Variants in STK4 observed in about 807,000 individuals in gnomAD.
The protein encoded by STK4 is serine/threonine-protein kinase 4.
Under a neutral mutation model 64.9 loss-of-function variants are expected in STK4, and 30 were observed. That is an observed-to-expected ratio of 0.46 (90% CI 0.35 to 0.63). The LOEUF is 0.63. Ranked by LOEUF, STK4 falls within the 20% of genes least tolerant of loss-of-function variation. The pLI, the probability that STK4 is intolerant of heterozygous loss-of-function variation, is 0.01. For synonymous variants in STK4, 177 were observed against 199.0 expected (o/e 0.89, Z 0.93); for missense variants, 466 against 598.5 (o/e 0.78, Z 2.31).
intron 5 of STK4, among the ~76,000 whole-genome samples, chr20:44,988,523 A>ATATGTGTGTGTGTGTG (rs2067572032): frequency 2.8e-5 from 3 of 108,614 alleles, no homozygotes; most frequent in East Asian, 3.0e-4. Context: ...GTGTATATAT[A>ATATGTGTGTGTGTGTG]TGTGTGTGTG....
chr20:45,058,351 G>A (rs927238601), intron 10 of STK4, among the ~76,000 whole-genome samples: 1 of 152,138 alleles, frequency 6.6e-6, no homozygotes, highest in Admixed American at 6.5e-5. Flanking sequence ...CAGAAACTGA[G>A]TGCTATGTAC....
At chr20:45,020,752 C>T (rs990375789) in intron 9 of STK4, among the ~76,000 whole-genome samples, 3 of 151,412 alleles carry the variant, frequency 2.0e-5, no homozygotes, top group Non-Finnish European at 2.9e-5. Context: ...GGCCTCTCCA[C>T]GTAGTATTTC....
intron 10 of STK4, among the ~76,000 whole-genome samples, chr20:45,026,561 G>A (rs988941897): frequency 2.6e-5 from 4 of 152,110 alleles, no homozygotes; most frequent in African/African-American, 7.2e-5. Flanking sequence ...AGCAGGAAAT[G>A]ATATCAGAGA....
rs759185627 is a variant in STK4, at chr20:44,995,164, A to T, written c.600A>T (p.Gly200=). The T allele has an allele frequency of 4.2e-5, 67 of 1,613,918 alleles. No individual in the cohort carries two copies. The highest frequency in any genetic ancestry group is 1.5e-4 in the Admixed American group (9 of 59,988). Residue 200 remains glycine (G), a synonymous_variant, in exon 6 of 11, where the codon GGA becomes GGT. Coordinates refer to ENST00000372806, the MANE Select transcript of STK4 (RefSeq NM_006282.5). ...CTCCAGAAGTGATTCAGGAAATTGG[A>T]TACAACTGTGTAGCAGACATCTGGT... ...WMAPEVIQEI[G]YNCVADIWSL...
At chr20:45,031,220 G>A (rs749979544) in intron 10 of STK4, among the ~76,000 whole-genome samples, 1 of 151,868 alleles carries the variant, frequency 6.6e-6, no homozygotes. Context: ...GTGAGAAAAG[G>A]CCTGTGGAGA....
At chr20:44,993,066 T>G (rs2067664331) in intron 5 of STK4, among the ~76,000 whole-genome samples, 1 of 152,176 alleles carries the variant, frequency 6.6e-6, no homozygotes, top group African/African-American at 2.4e-5. Flanking sequence ...TTATTTGAAC[T>G]TATTTTGGTG....
chr20:44,989,257 A>C (rs1838065512), intron 5 of STK4, among the ~76,000 whole-genome samples: 1 of 152,112 alleles, frequency 6.6e-6, no homozygotes, highest in South Asian at 2.1e-4. Context: ...ACTTCTCTGC[A>C]TCCTCGCCAA....
intron 10 of STK4, among the ~76,000 whole-genome samples, chr20:45,058,821 G>T (rs1600553929): frequency 6.6e-6 from 1 of 152,240 alleles, no homozygotes; most frequent in East Asian, 1.9e-4. Flanking sequence ...CAAGAATGAG[G>T]TTATTTTTGA....
intron 9 of STK4, among the ~76,000 whole-genome samples, chr20:45,018,857 A>C (rs1168240289): frequency 6.6e-6 from 1 of 151,484 alleles, no homozygotes; most frequent in African/African-American, 2.4e-5. Context: ...CCTCCTGAAT[A>C]GTTGGGACTA....
chr20:45,058,618 A>G (rs1978706395), intron 10 of STK4, among the ~76,000 whole-genome samples: 1 of 152,152 alleles, frequency 6.6e-6, no homozygotes, highest in African/African-American at 2.4e-5. Context: ...TTTGGCAGGA[A>G]GAGAGAGAAG....
chr20:45,059,184 CTT>C (rs1381817071), intron 10 of STK4, among the ~76,000 whole-genome samples: 2 of 152,200 alleles, frequency 1.3e-5, no homozygotes, highest in Non-Finnish European at 2.9e-5. Flanking sequence ...GTGGTTGAAA[CTT>C]TTGCTCCTTG....
chr20:45,001,263 A>G lies in STK4; in HGVS notation c.1057A>G (p.Thr353Ala), dbSNP rs140089638. 1.6e-3 allele frequency: 2,608 copies of G among 1,614,190 alleles called. 4 individuals are homozygous for G. The highest frequency in any genetic ancestry group is 1.8e-3 in the Non-Finnish European group (2,132 of 1,180,026). ...CAGCACCATGACTGATGGAGCCAAT[A>G]CTATGATTGAGCACGATGACACGTT... ...VASTMTDGAN[T>A]MIEHDDTLPS... is the part of the protein sequence containing the mutation. The change falls in exon 9 of 11, where the codon ACT becomes GCT. Residue 353 changes from threonine (T) to alanine (A), a missense_variant. Physicochemically the swap from Thr to Ala is moderately conservative, Grantham distance 58. Coordinates refer to ENST00000372806, the MANE Select transcript of STK4 (RefSeq NM_006282.5).
chr20:44,978,301 T>C, intron 2 of STK4, 142 bp from the exon 3 acceptor site: 9 of 1,006,278 alleles, frequency 8.9e-6, no homozygotes, highest in Non-Finnish European at 1.2e-5. Flanking sequence ...CAAAAGTATT[T>C]TAGCTATCTT....
chr20:44,999,321 G>A (rs752224781), intron 7 of STK4, among the ~76,000 whole-genome samples: 2 of 152,146 alleles, frequency 1.3e-5, no homozygotes, highest in Non-Finnish European at 2.9e-5. Flanking sequence ...TTTCTACCTG[G>A]ATGGGGTAGT....
chr20:45,037,491 G>C (rs1168952325), intron 10 of STK4, among the ~76,000 whole-genome samples: 1 of 152,074 alleles, frequency 6.6e-6, no homozygotes, highest in East Asian at 1.9e-4. Flanking sequence ...GTGTGATAAT[G>C]GGTCCATCAG....
chr20:45,042,707 C>T (rs2068632435), intron 10 of STK4, among the ~76,000 whole-genome samples: 1 of 152,048 alleles, frequency 6.6e-6, no homozygotes, highest in African/African-American at 2.4e-5. Flanking sequence ...TTCTAATGGA[C>T]AGTGTAGGGA....
At chr20:44,975,482 G>T (rs575708869) in intron 2 of STK4, 14 of 536,186 alleles carry the variant, frequency 2.6e-5, no homozygotes, top group Admixed American at 1.9e-4. Flanking sequence ...TAAGAATAAT[G>T]AGTGAAAATT....
intron 9 of STK4, among the ~76,000 whole-genome samples, chr20:45,014,564 A>G (rs941616535): frequency 3.3e-5 from 5 of 152,192 alleles, no homozygotes; most frequent in Non-Finnish European, 5.9e-5. Context: ...AGTGGCAAAG[A>G]TAACAAAAAC....
intron 10 of STK4, among the ~76,000 whole-genome samples, chr20:45,044,349 G>T (rs957208286): frequency 6.6e-6 from 1 of 152,136 alleles, no homozygotes; most frequent in Non-Finnish European, 1.5e-5. Context: ...GAACCAGGCC[G>T]GGTGAATGAT....
Sources: gnomAD v4.1 joint callset for allele counts (sites outside exome capture counted in the v4.1 genomes callset) on GRCh38, gnomAD v4.1.1 for gene constraint, MANE v1.5 for transcripts, NCBI Gene and HGNC (gene_info 2026-07-23, HGNC 2026-07-21) for gene names.